PPP2R3B: variants seen among roughly 807,000 people sequenced by gnomAD.
The protein encoded by PPP2R3B is protein phosphatase 2 regulatory subunit B''beta.
PPP2R3B carries 68 observed loss-of-function variants against 72.9 expected under a neutral mutation model. The observed-to-expected ratio is 0.93, with a 90% CI of 0.77 to 1.14. The LOEUF (loss-of-function observed/expected upper bound fraction) is 1.14, where lower values mean the gene tolerates loss of function less well. Ranked by LOEUF, PPP2R3B falls within the 50% of genes most tolerant of loss-of-function variation. The pLI is 0.00. For synonymous variants in PPP2R3B, 466 were observed against 375.8 expected (o/e 1.24, Z -2.78); for missense variants, 1,018 against 842.0 (o/e 1.21, Z -2.59).
rs1374916671 is a variant in PPP2R3B, at chrX:346,073, GTGGGA to G, written c.879+96_879+100del. 2.7e-4 allele frequency: 152 copies of G among 559,582 alleles called. 1 individual carries two copies. The highest frequency in any genetic ancestry group is 4.4e-4 in the East Asian group (13 of 29,552). 34.7% of individuals were successfully genotyped at this position (559,582 alleles called of 1,614,324 possible). A position where few individuals can be genotyped will look rare whatever the true frequency, so the allele number is the denominator to read the frequency against. On this transcript the variant is annotated intron_variant, in intron 6 of 12. Coordinates refer to ENST00000390665, the MANE Select transcript of PPP2R3B (RefSeq NM_013239.5). ...GGTGGGGGTGGGGGTGGGAGAGGGG[GTGGGA>G]GGGGAGGAGGGAGGGGGGAGGAGGG... is the stretch of plus-strand genomic sequence containing the variant.
At chrX:378,700 G>T (rs988505600) in intron 1 of PPP2R3B, among the ~76,000 whole-genome samples, 3 of 152,024 alleles carry the variant, frequency 2.0e-5, no homozygotes, top group Non-Finnish European at 2.9e-5. Flanking sequence ...GAGGGATGAA[G>T]CTCTTTACAC....
intron 2 of PPP2R3B, among the ~76,000 whole-genome samples, chrX:358,451 G>A (rs2124164493): frequency 1.6e-5 from 2 of 123,976 alleles, no homozygotes; most frequent in East Asian, 5.7e-4. Flanking sequence ...GCACAGTGGG[G>A]CCTGTGGAGG....
At chrX:355,813 A>C (rs2071423244) in intron 2 of PPP2R3B, among the ~76,000 whole-genome samples, 1 of 152,242 alleles carries the variant, frequency 6.6e-6, no homozygotes, top group Non-Finnish European at 1.5e-5. Flanking sequence ...GCGTGGGATG[A>C]GGGCAGGTGC....
chrX:364,610 C>G (rs6645212), intron 1 of PPP2R3B, among the ~76,000 whole-genome samples: 29 of 139,630 alleles, frequency 2.1e-4, no homozygotes, highest in South Asian at 1.9e-3. Context: ...CCCAGCTACT[C>G]GGGAGGCTGA....
At chrX:359,921 AACC>A in intron 2 of PPP2R3B, 1 of 464,662 alleles carries the variant, frequency 2.2e-6, no homozygotes, top group South Asian at 1.6e-5. Context: ...CTCACTTTGT[AACC>A]ATGGAGGTTT....
intron 2 of PPP2R3B, among the ~76,000 whole-genome samples, chrX:354,056 G>T (rs1375293549): frequency 7.4e-6 from 1 of 135,108 alleles, no homozygotes; most frequent in African/African-American, 3.2e-5. Context: ...CTCACCCAAA[G>T]ACCGGGGCTC....
chrX:338,903 G>A lies in PPP2R3B; in HGVS notation c.1352-7C>T, dbSNP rs755918137. On this transcript the variant is annotated splice_polypyrimidine_tract_variant and splice_region_variant and intron_variant, in intron 10 of 12. Coordinates refer to ENST00000390665, the MANE Select transcript of PPP2R3B (RefSeq NM_013239.5). ...TCCTGCAGCGTGATCTTCCCTGCGG[G>A]GAGGGGAGTGCGTCCAAGGCGCGTG... 2 of 1,610,842 alleles carry A rather than the reference G, an allele frequency of 1.2e-6. No individual in the cohort carries two copies. Among genetic ancestry groups the A allele is most frequent in the East Asian group, 4.5e-5 (2 of 44,878 alleles).
chrX:357,647 C>A (rs1045471883), intron 2 of PPP2R3B, among the ~76,000 whole-genome samples: 1 of 151,840 alleles, frequency 6.6e-6, no homozygotes, highest in Non-Finnish European at 1.5e-5. Context: ...TTCTAAGTTA[C>A]GCAAAAAATT....
chrX:345,996 G>A (rs1312480857), intron 6 of PPP2R3B, among the ~76,000 whole-genome samples, 178 bp downstream of exon 6: 1 of 140,668 alleles, frequency 7.1e-6, no homozygotes, highest in African/African-American at 2.6e-5. Flanking sequence ...CAGGCGGCGG[G>A]GTTCCAGTGC....
At chrX:355,261 G>A (rs2071413217) in intron 2 of PPP2R3B, among the ~76,000 whole-genome samples, 1 of 152,192 alleles carries the variant, frequency 6.6e-6, no homozygotes. Context: ...CACGTACAGT[G>A]TCATCAGAAA....
At position 371,530 on chromosome X, in the gene PPP2R3B, A is replaced by C. The variant is rs531846433; in HGVS notation, c.325-9940T>G. Among the ~76,000 whole-genome samples the C allele has an allele frequency of 1.6e-3, 235 of 150,034 alleles. 2 individuals are homozygous for C. The highest frequency in any genetic ancestry group is 5.3e-3 in the African/African-American group (218 of 41,100). ...CAGAAGCCCAGGTGGGACGTCGCAC[A>C]GTCAGAAGATCAAGCTCAGGAGCAC... On this transcript the variant is annotated intron_variant, in intron 1 of 12. Transcript: ENST00000390665.
chrX:338,835 G>A lies in PPP2R3B; in HGVS notation c.1413C>T (p.Phe471=), dbSNP rs2070969671. 3 of 1,612,362 alleles carry A rather than the reference G, an allele frequency of 1.9e-6. No homozygotes were observed. The highest frequency in any genetic ancestry group is 1.3e-5 in the African/African-American group (1 of 74,934). ...GGTCGAGGTACTTCTCGATGTTGAA[G>A]AAGGTGTCGAAGAAGACGTTAGCCA... ...CKLANVFFDT[F]FNIEKYLDHE... is the part of the protein sequence containing the mutation. The change falls in exon 11 of 13, where the codon TTC becomes TTT. Residue 471 remains phenylalanine, a synonymous_variant. Transcript: ENST00000390665.
chrX:369,888 G>A (rs2071819566), intron 1 of PPP2R3B, among the ~76,000 whole-genome samples: 1 of 152,208 alleles, frequency 6.6e-6, no homozygotes, highest in Admixed American at 6.5e-5. Context: ...GGAGGCGGAA[G>A]CACGGGAGGC....
chrX:353,875 A>AGGGCTCACCCAAAGACCGG (rs1360556101), intron 2 of PPP2R3B, among the ~76,000 whole-genome samples: 1 of 75,962 alleles, frequency 1.3e-5, no homozygotes, highest in Non-Finnish European at 2.5e-5. Flanking sequence ...CCCAAAGACC[A>AGGGCTCACCCAAAGACCGG]GGGCTCACCC....
chrX:334,601 C>A (rs756649291), intron 12 of PPP2R3B, 84 bp from the exon 13 acceptor site: 76 of 1,344,820 alleles, frequency 5.7e-5, no homozygotes, highest in Non-Finnish European at 7.1e-5. Context: ...GCTGCTCGGC[C>A]GCCAACCTCC....
chrX:378,095 A>G lies in PPP2R3B; in HGVS notation c.324+8273T>C, dbSNP rs192388022. ...TGTACAGGGACGGGGCCGTCATAGC[A>G]TTGTTTTTGCACCACAGGCCAGCAC... On this transcript the variant is annotated intron_variant, in intron 1 of 12. Coordinates refer to ENST00000390665, the MANE Select transcript of PPP2R3B (RefSeq NM_013239.5). 6.5e-3 allele frequency among the ~76,000 whole-genome samples: 984 copies of G among 150,490 alleles called. 7 individuals are homozygous for G. Among genetic ancestry groups the G allele is most frequent in the Middle Eastern group, 0.027 (8 of 294 alleles).
chrX:386,443 C>T lies in PPP2R3B; in HGVS notation c.249G>A (p.Leu83=). The change falls in exon 1 of 13, where the codon CTG becomes CTA. Residue 83 remains leucine (L), a synonymous_variant. Transcript: ENST00000390665. ...PPGTPGPGPA[L]PLGAASSPRN... Reference sequence around the variant, plus strand: ...TGGGGCTGGAGGCGGCGCCCAGGGGCAGCGCAGGGCCCGGCCCGGGGGTTC... The same window carrying T: ...TGGGGCTGGAGGCGGCGCCCAGGGGTAGCGCAGGGCCCGGCCCGGGGGTTC... The T allele has an allele frequency of 3.8e-6, 5 of 1,314,678 alleles. No homozygotes were observed. The highest frequency in any genetic ancestry group is 4.9e-6 in the Non-Finnish European group (5 of 1,028,012). 81.4% of individuals were successfully genotyped at this position (1,314,678 alleles called of 1,614,324 possible).
Position 346,271 on chromosome X carries a change from G to T in PPP2R3B, c.793-11C>A. 1.3e-6 allele frequency: 2 copies of T among 1,558,414 alleles called. No individual in the cohort carries two copies. Among genetic ancestry groups the T allele is most frequent in the Admixed American group, 1.9e-5 (1 of 52,828 alleles). On this transcript the variant is annotated splice_polypyrimidine_tract_variant and intron_variant, in intron 5 of 12. Coordinates refer to ENST00000390665, the MANE Select transcript of PPP2R3B (RefSeq NM_013239.5). ...GATCCGCTGGATGACCTGCGGGGGC[G>T]CTGTCAGTGCGGTGGGTGCGCAGAG...
rs2072256632 is a variant in PPP2R3B at position 386,539 on chromosome X, G to A, written c.153C>T (p.Asp51=). ...APGRDQPTPG[D]GEQPGAWPTA... ...TGGGCCAGGCCCCGGGCTGCTCCCC[G>A]TCCCCCGGGGTCGGCTGGTCCCGCC... The change falls in exon 1 of 13, where the codon GAC becomes GAT. Residue 51 remains aspartate (D), a synonymous_variant. Coordinates refer to ENST00000390665, the MANE Select transcript of PPP2R3B (RefSeq NM_013239.5). 5 of 1,429,654 alleles carry A rather than the reference G, an allele frequency of 3.5e-6. No individual in the cohort carries two copies. The highest frequency in any genetic ancestry group is 2.7e-5 in the South Asian group (2 of 73,640). 88.6% of individuals were successfully genotyped at this position (1,429,654 alleles called of 1,614,324 possible).
Sources: gnomAD v4.1 joint callset for allele counts (sites outside exome capture counted in the v4.1 genomes callset) on GRCh38, gnomAD v4.1.1 for gene constraint, MANE v1.5 for transcripts, NCBI Gene and HGNC (gene_info 2026-07-23, HGNC 2026-07-21) for gene names.